The following DOCK4 variants were observed in gnomAD, a reference collection of about 807,000 sequenced individuals.
DOCK4 encodes the protein dedicator of cytokinesis 4, also known as dedicator of cytokinesis protein 4.
DOCK4 carries 97 observed loss-of-function variants against 268.1 expected under a neutral mutation model. The ratio of observed to expected loss-of-function variants is 0.36; its 90% CI spans 0.31 to 0.43. The LOEUF is 0.43. DOCK4 is among the 20% of genes least tolerant of loss of function. The pLI is 1.00. For synonymous variants in DOCK4, 954 were observed against 887.2 expected, an observed-to-expected ratio of 1.08 and a Z score of -1.34; for missense variants, 2,145 against 2,455.7, an observed-to-expected ratio of 0.87 and a Z score of 2.67.
intron 2 of DOCK4, among the ~76,000 whole-genome samples, chr7:112,001,320 A>G (rs963712955): frequency 1.3e-5 from 2 of 152,172 alleles, no homozygotes; most frequent in African/African-American, 4.8e-5. Flanking sequence ...ATGCCATTCT[A>G]AGTAGCATGA....
chr7:112,101,002 A>T (rs1229446479), intron 1 of DOCK4, among the ~76,000 whole-genome samples: 3 of 152,190 alleles, frequency 2.0e-5, no homozygotes, highest in Non-Finnish European at 4.4e-5. Context: ...AGTTTATAGG[A>T]AATAGCCATT....
At chr7:111,845,408 CCAGA>C (rs1325945634) in intron 24 of DOCK4, among the ~76,000 whole-genome samples, 7 of 152,032 alleles carry the variant, frequency 4.6e-5, no homozygotes, top group African/African-American at 1.7e-4. Flanking sequence ...GGTGTTTGGC[CCAGA>C]CAAATACCCT....
intron 1 of DOCK4, among the ~76,000 whole-genome samples, chr7:112,140,742 A>G (rs1814838461): frequency 6.6e-6 from 1 of 152,090 alleles, no homozygotes; most frequent in Admixed American, 6.6e-5. Flanking sequence ...GCTCTGCACA[A>G]ATCTCGAAGA....
At chr7:111,771,021 C>T (rs1017689005) in intron 36 of DOCK4, among the ~76,000 whole-genome samples, 1 of 152,220 alleles carries the variant, frequency 6.6e-6, no homozygotes, top group Non-Finnish European at 1.5e-5. Flanking sequence ...TTTCCTAATC[C>T]ACCAGCAGTC....
intron 8 of DOCK4, among the ~76,000 whole-genome samples, chr7:111,974,255 T>C (rs1797958741): frequency 6.6e-6 from 1 of 151,866 alleles, no homozygotes; most frequent in East Asian, 1.9e-4. Context: ...AAGAAAACAA[T>C]CACTGTGTGG....
At chr7:112,193,363 A>C (rs1820143334) in intron 1 of DOCK4, among the ~76,000 whole-genome samples, 1 of 152,174 alleles carries the variant, frequency 6.6e-6, no homozygotes, top group Admixed American at 6.5e-5. Context: ...TGAGAGGCTA[A>C]GGCAGGAGGA....
intron 10 of DOCK4, among the ~76,000 whole-genome samples, chr7:111,942,159 G>C (rs1586447817): frequency 6.6e-6 from 1 of 152,130 alleles, no homozygotes. Flanking sequence ...AAAGTACTGA[G>C]CAATCAACCA....
chr7:111,825,430 G>C (rs567288339), intron 26 of DOCK4, among the ~76,000 whole-genome samples: 2 of 137,700 alleles, frequency 1.5e-5, no homozygotes, highest in East Asian at 2.5e-4. Flanking sequence ...TGTCCTCTCC[G>C]AGTACTTTTC....
chr7:111,783,897 C>T lies in DOCK4; in HGVS notation c.3484G>A (p.Ala1162Thr), dbSNP rs1227730942. 1.2e-6 allele frequency: 2 copies of T among 1,605,722 alleles called. No individual in the cohort carries two copies. Among genetic ancestry groups the T allele is most frequent in the Admixed American group, 3.4e-5 (2 of 59,068 alleles). Reference protein sequence around the residue: ...TWRESGVSLIATVTRLMERLL... With the variant: ...TWRESGVSLITTVTRLMERLL... ...CTCTCCATTAGACGAGTTACAGTAG[C>T]AATTAATGAAACGCCACTTTCCCGC... The change falls in exon 34 of 53, where the codon GCT (alanine) becomes ACT (threonine). Residue 1162 changes from alanine (A) to threonine (T), a missense_variant. By Grantham distance (58) the Ala-to-Thr change is moderately conservative. Transcript: ENST00000428084.
chr7:112,071,737 T>G (rs188062952), intron 1 of DOCK4, among the ~76,000 whole-genome samples: 1 of 152,222 alleles, frequency 6.6e-6, no homozygotes, highest in Non-Finnish European at 1.5e-5. Context: ...ATCTTCTTAT[T>G]TGGATGTCCT....
chr7:111,810,055 T>C (rs1800980309), intron 28 of DOCK4, among the ~76,000 whole-genome samples: 1 of 148,958 alleles, frequency 6.7e-6, no homozygotes, highest in Non-Finnish European at 1.5e-5. Context: ...ATTAAAGACA[T>C]AACAAACCAG....
intron 1 of DOCK4, among the ~76,000 whole-genome samples, chr7:112,100,573 G>A (rs1306066809): frequency 1.3e-5 from 2 of 152,184 alleles, no homozygotes; most frequent in Non-Finnish European, 2.9e-5. Flanking sequence ...AGCTTTTCCT[G>A]ACTTTCCACA....
At chr7:112,135,640 G>A (rs1315208045) in intron 1 of DOCK4, among the ~76,000 whole-genome samples, 2 of 151,880 alleles carry the variant, frequency 1.3e-5, no homozygotes, top group African/African-American at 4.8e-5. Context: ...GTAGACTGCT[G>A]TGCAAGGAAT....
intron 38 of DOCK4, among the ~76,000 whole-genome samples, chr7:111,766,073 T>C (rs1797740948): frequency 6.6e-6 from 1 of 152,190 alleles, no homozygotes; most frequent in Non-Finnish European, 1.5e-5. Context: ...TGCCAAGAGA[T>C]GAACAGCAAT....
chr7:112,025,618 C>T (rs1423882994), intron 1 of DOCK4, among the ~76,000 whole-genome samples: 1 of 152,104 alleles, frequency 6.6e-6, no homozygotes, highest in Non-Finnish European at 1.5e-5. Context: ...AATCATATCC[C>T]TCTCACATAA....
intron 1 of DOCK4, among the ~76,000 whole-genome samples, chr7:112,016,455 C>A (rs764410084): frequency 4.6e-5 from 7 of 152,176 alleles, no homozygotes; most frequent in Non-Finnish European, 1.0e-4. Flanking sequence ...CAGGTTTCTC[C>A]ACTGTACAGT....
At chr7:111,803,699 T>C (rs1361052062) in intron 30 of DOCK4, among the ~76,000 whole-genome samples, 1 of 152,192 alleles carries the variant, frequency 6.6e-6, no homozygotes, top group Non-Finnish European at 1.5e-5. Context: ...TTCTTGCAAG[T>C]AGGGGTACAG....
intron 1 of DOCK4, among the ~76,000 whole-genome samples, chr7:112,171,615 C>T (rs1275814531): frequency 1.3e-5 from 2 of 152,148 alleles, no homozygotes; most frequent in Admixed American, 6.5e-5. Flanking sequence ...TTACCAAAAA[C>T]CTGCACAAAT....
rs563613632 is a variant in DOCK4, at chr7:111,760,418, C to T, written c.4021-96G>A. On this transcript the variant is annotated intron_variant, in intron 39 of 52. Coordinates refer to ENST00000428084, the MANE Select transcript of DOCK4 (RefSeq NM_001363540.2). Reference sequence around the variant, plus strand: ...GACACTGGCAGTAACTGACCACATGCCCCATACCAAGACACTATAACAAAA... The same window carrying T: ...GACACTGGCAGTAACTGACCACATGTCCCATACCAAGACACTATAACAAAA... 1,115 of 1,278,494 alleles carry T rather than the reference C, an allele frequency of 8.7e-4. 19 individuals are homozygous for T. In the South Asian group the frequency reaches 0.015, roughly 17 times the overall value. 79.2% of individuals were successfully genotyped at this position (1,278,494 alleles called of 1,614,324 possible).
Sources: gnomAD v4.1 joint callset for allele counts (sites outside exome capture counted in the v4.1 genomes callset) on GRCh38, gnomAD v4.1.1 for gene constraint, MANE v1.5 for transcripts, NCBI Gene and HGNC (gene_info 2026-07-23, HGNC 2026-07-21) for gene names.